The following SGCZ variants were observed in gnomAD, a reference collection of about 807,000 sequenced individuals.
SGCZ encodes the protein sarcoglycan zeta.
SGCZ carries 40 observed loss-of-function variants against 41.3 expected under a neutral mutation model. That is an observed-to-expected ratio of 0.97 (90% CI 0.75 to 1.26). The LOEUF (loss-of-function observed/expected upper bound fraction) is 1.26, where lower values mean the gene tolerates loss of function less well. SGCZ is among the 50% of genes most tolerant of loss of function. The pLI is 0.00. For missense variants in SGCZ, 552 were observed against 369.8 expected, an observed-to-expected ratio of 1.49 and a Z score of -4.04; for synonymous variants, 206 against 137.5, an observed-to-expected ratio of 1.50 and a Z score of -3.49.
chr8:14,461,886 C>T (rs1025962768), intron 2 of SGCZ, among the ~76,000 whole-genome samples: 1 of 152,044 alleles, frequency 6.6e-6, no homozygotes, highest in African/African-American at 2.4e-5. Flanking sequence ...ATTGAGACAG[C>T]TGGACATAAC....
intron 1 of SGCZ, among the ~76,000 whole-genome samples, chr8:15,194,790 C>T (rs922658946): frequency 2.0e-5 from 3 of 151,804 alleles, no homozygotes; most frequent in Non-Finnish European, 2.9e-5. Context: ...CAGAAAGCAG[C>T]CCTGCTGAAA....
At chr8:14,131,609 A>ACTAT (rs1338306214) in intron 5 of SGCZ, among the ~76,000 whole-genome samples, 1 of 152,066 alleles carries the variant, frequency 6.6e-6, no homozygotes, top group African/African-American at 2.4e-5. Flanking sequence ...GTCTTGTCTG[A>ACTAT]CTATCTTTCA....
At chr8:14,256,715 T>C (rs534662492) in intron 3 of SGCZ, among the ~76,000 whole-genome samples, 2 of 152,180 alleles carry the variant, frequency 1.3e-5, no homozygotes, top group Non-Finnish European at 2.9e-5. Context: ...TAGTACCTAG[T>C]GTACCTTATA....
At chr8:15,155,670 T>C (rs1293322170) in intron 1 of SGCZ, among the ~76,000 whole-genome samples, 1 of 152,176 alleles carries the variant, frequency 6.6e-6, no homozygotes. Flanking sequence ...GCCTATTAAA[T>C]ATATTTATGA....
chr8:14,387,638 A>G (rs915379557), intron 2 of SGCZ, among the ~76,000 whole-genome samples: 3 of 152,094 alleles, frequency 2.0e-5, no homozygotes, highest in African/African-American at 7.2e-5. Flanking sequence ...CAATTTTTAT[A>G]TTTTTGGATG....
chr8:15,033,098 T>G (rs1172498694), intron 1 of SGCZ, among the ~76,000 whole-genome samples: 1 of 151,918 alleles, frequency 6.6e-6, no homozygotes, highest in Non-Finnish European at 1.5e-5. Flanking sequence ...CAAGCTCTAG[T>G]AGGCTCAGGT....
chr8:14,466,524 A>G (rs576597568), intron 2 of SGCZ, among the ~76,000 whole-genome samples: 1 of 152,028 alleles, frequency 6.6e-6, no homozygotes, highest in South Asian at 2.1e-4. Context: ...CAGTGTCATT[A>G]TTTCCTTAAA....
chr8:15,048,576 A>G (rs1804398730), intron 1 of SGCZ, among the ~76,000 whole-genome samples: 1 of 152,136 alleles, frequency 6.6e-6, no homozygotes, highest in Admixed American at 6.6e-5. Flanking sequence ...TACATGTATC[A>G]AAATATCACA....
At chr8:14,119,552 T>C (rs1465645638) in intron 5 of SGCZ, among the ~76,000 whole-genome samples, 1 of 152,122 alleles carries the variant, frequency 6.6e-6, no homozygotes, top group African/African-American at 2.4e-5. Context: ...ACATTCTTTC[T>C]TTCTTGTGTT....
intron 1 of SGCZ, among the ~76,000 whole-genome samples, chr8:15,009,129 G>C (rs1365415126): frequency 6.6e-6 from 1 of 152,086 alleles, no homozygotes; most frequent in Non-Finnish European, 1.5e-5. Context: ...CCTAAGACTG[G>C]GTAATTTATA....
At chr8:14,800,626 G>A (rs1055764530) in intron 1 of SGCZ, among the ~76,000 whole-genome samples, 3 of 152,044 alleles carry the variant, frequency 2.0e-5, no homozygotes, top group Admixed American at 2.0e-4. Context: ...AAAAGTCTGT[G>A]GTGTTTCCAC....
At position 14,658,801 on chromosome 8, in the gene SGCZ, C is replaced by T. The variant is rs187854441; in HGVS notation, c.40-103875G>A. ...TCCACAAGAGCAAGGATTTCTGTCC[C>T]CAGAATCTAGAAGAGTATCTAGCAG... On this transcript the variant is annotated intron_variant, in intron 1 of 7. Transcript: ENST00000382080. Among the ~76,000 whole-genome samples the T allele has an allele frequency of 1.6e-3, 243 of 151,702 alleles. 1 individual carries two copies. In the South Asian group the frequency reaches 0.018, roughly 11 times the overall value.
chr8:14,422,705 G>T (rs977399023), intron 2 of SGCZ, among the ~76,000 whole-genome samples: 14 of 152,164 alleles, frequency 9.2e-5, no homozygotes, highest in African/African-American at 3.4e-4. Flanking sequence ...ATAGTTTTTA[G>T]GACAAGTCTA....
chr8:14,527,633 C>T (rs1212181722), intron 2 of SGCZ, among the ~76,000 whole-genome samples: 1 of 152,094 alleles, frequency 6.6e-6, no homozygotes, highest in Non-Finnish European at 1.5e-5. Context: ...ACAAGGTACA[C>T]ATGACTATTT....
intron 1 of SGCZ, among the ~76,000 whole-genome samples, chr8:14,648,826 T>C (rs970467890): frequency 6.6e-6 from 1 of 152,092 alleles, no homozygotes; most frequent in African/African-American, 2.4e-5. Context: ...TGATTATATT[T>C]CTGCCTTGTA....
At chr8:14,860,046 C>T (rs1294080874) in intron 1 of SGCZ, among the ~76,000 whole-genome samples, 2 of 151,958 alleles carry the variant, frequency 1.3e-5, no homozygotes, top group East Asian at 1.9e-4. Flanking sequence ...AATCAGCGTT[C>T]CCAATCCTTT....
intron 1 of SGCZ, among the ~76,000 whole-genome samples, chr8:14,613,884 T>C (rs1278690130): frequency 6.6e-6 from 1 of 152,044 alleles, no homozygotes; most frequent in Non-Finnish European, 1.5e-5. Flanking sequence ...TCAAAACCAG[T>C]AAAAAGTACA....
At chr8:15,120,309 A>C (rs1466619088) in intron 1 of SGCZ, among the ~76,000 whole-genome samples, 1 of 152,230 alleles carries the variant, frequency 6.6e-6, no homozygotes, top group African/African-American at 2.4e-5. Flanking sequence ...ATGTAATCAT[A>C]ATTGATCTTT....
intron 1 of SGCZ, among the ~76,000 whole-genome samples, chr8:14,844,141 C>T (rs1803019683): frequency 6.6e-6 from 1 of 151,998 alleles, no homozygotes; most frequent in Non-Finnish European, 1.5e-5. Context: ...CACAAACACT[C>T]AAGTTTCTCA....
Sources: allele counts gnomAD v4.1 joint callset (sites outside exome capture counted in the v4.1 genomes callset), GRCh38; gene constraint gnomAD v4.1.1; transcripts MANE v1.5; gene names NCBI Gene and HGNC (gene_info 2026-07-23, HGNC 2026-07-21).